CDCA3: variants seen among roughly 807,000 people sequenced by gnomAD.
CDCA3 encodes cell division cycle-associated protein 3.
In CDCA3, 16 loss-of-function variants were observed where a neutral mutation model predicts 29.1. That is an observed-to-expected ratio of 0.55 (90% CI 0.37 to 0.83). The LOEUF is 0.83. CDCA3 is among the 40% of genes least tolerant of loss of function. The pLI is 0.00. For missense variants in CDCA3, 291 were observed against 327.2 expected (o/e 0.89, Z 0.85); for synonymous variants, 88 against 124.5 (o/e 0.71, Z 1.95).
downstream of CDCA3, chr12:6,845,981 C>T (rs994381043): frequency 2.2e-5 from 13 of 600,490 alleles, no homozygotes; most frequent in Middle Eastern, 4.4e-4. Context: ...ACTGTTTTCC[C>T]TCAGTGTTGC....
chr12:6,850,991 C>G lies in CDCA3; in HGVS notation c.-39G>C. On this transcript the variant is annotated 5_prime_UTR_variant, in exon 2 of 6. Transcript: ENST00000538862. This position sits in a 1 kb window ranked among gnomAD's most constrained non-coding sequence, Gnocchi z 4.7. ...TGCAGGGTGGGGGCAAGGGCCAGCC[C>G]GGGACGAGGAGGGAATGCCTGTGAG... 6.3e-7 allele frequency: 1 copy of G among 1,589,794 alleles called. No homozygotes were observed. The highest frequency in any genetic ancestry group is 8.5e-7 in the Non-Finnish European group (1 of 1,173,038).
Position 6,850,411 on chromosome 12 carries a change from C to G in CDCA3, c.250+56G>C, listed in dbSNP as rs1223104113. 26 of 1,608,982 alleles carry G rather than the reference C, an allele frequency of 1.6e-5. No homozygotes were observed. The South Asian group carries it at 2.9e-4, about 18-fold the overall frequency. On this transcript the variant is annotated intron_variant, in intron 3 of 5. Coordinates refer to ENST00000538862, the MANE Select transcript of CDCA3 (RefSeq NM_031299.7). The surrounding 1 kb of genome is among the most constrained non-coding windows in gnomAD (Gnocchi z 4.7). ...CCCTGAGAGAATGGCTTCATGGACC[C>G]TACCCAAGAATAATAGATGACAGCT...
At position 6,849,900 on chromosome 12, in the gene CDCA3, C is replaced by G. The variant is rs373865700; in HGVS notation, c.251-42G>C. ...AAGTGAACAGTGACCTTCTGATACACAACATTCAGCAAGGAGCAAAACATA... is the reference window on the plus strand; with the variant it reads ...AAGTGAACAGTGACCTTCTGATACAGAACATTCAGCAAGGAGCAAAACATA... On this transcript the variant is annotated intron_variant, in intron 3 of 5. Transcript: ENST00000538862. The surrounding 1 kb of genome is among the most constrained non-coding windows in gnomAD (Gnocchi z 5.2). 6.8e-7 allele frequency: 1 copy of G among 1,464,308 alleles called. No individual in the cohort carries two copies. The highest frequency in any genetic ancestry group is 2.3e-5 in the East Asian group (1 of 42,726). The allele number at this position is 1,464,308 out of a possible 1,614,324, so 90.7% of individuals were successfully genotyped here.
At chr12:6,848,596 G>A (rs781848850), downstream of CDCA3, 18 of 156,434 alleles carry the variant, frequency 1.2e-4, no homozygotes, top group Non-Finnish European at 2.5e-4. Context: ...GCTGGATAAA[G>A]GTCAGGGTTA....
Position 6,849,822 on chromosome 12 carries a change from A to G in CDCA3, c.287T>C (p.Val96Ala). The G allele has an allele frequency of 1.3e-6, 2 of 1,564,576 alleles. No homozygotes were observed. The highest frequency in any genetic ancestry group is 1.7e-4 in the Middle Eastern group (1 of 5,806). The change falls in exon 4 of 6, where the codon GTA becomes GCA. Residue 96 changes from valine to alanine, a missense_variant. By Grantham distance (64) the Val-to-Ala change is moderately conservative. Coordinates refer to ENST00000538862, the MANE Select transcript of CDCA3 (RefSeq NM_031299.7). The surrounding 1 kb of genome is among the most constrained non-coding windows in gnomAD (Gnocchi z 5.2). ...PSPLVKQLSE[V>A]FETEDSKSNL... ...TGATTTAGAGTCTTCAGTTTCAAATACTTCACTCAGCTGTTTCACCAGTGG... is the reference window on the plus strand; with the variant it reads ...TGATTTAGAGTCTTCAGTTTCAAATGCTTCACTCAGCTGTTTCACCAGTGG...
Position 6,850,548 on chromosome 12 carries a change from C to T in CDCA3, c.169G>A (p.Gly57Ser). 1 of 1,614,042 alleles carries T rather than the reference C, an allele frequency of 6.2e-7. No individual in the cohort carries two copies. Among genetic ancestry groups the T allele is most frequent in the African/African-American group, 1.3e-5 (1 of 74,976 alleles). ...TCTGAGTCCTGGGCATGTTTAAGAC[C>T]CTCCAGTTGCTCCCCTGCTGGTAGG... Reference protein sequence around the residue: ...PGLPAGEQLEGLKHAQDSDPR... With the variant: ...PGLPAGEQLESLKHAQDSDPR... The change falls in exon 3 of 6, where the codon GGT becomes AGT. Residue 57 changes from glycine to serine, a missense_variant. Gly to Ser is a moderately conservative substitution (Grantham distance 56, BLOSUM62 0). Transcript: ENST00000538862. This position sits in a 1 kb window ranked among gnomAD's most constrained non-coding sequence, Gnocchi z 4.7.
chr12:6,845,883 A>G (rs1345644987), downstream of CDCA3: 1 of 960,462 alleles, frequency 1.0e-6, no homozygotes, highest in African/African-American at 1.8e-5. Context: ...ACCCCCCATC[A>G]GCTCCCATTT....
rs1943827105 is a variant in CDCA3, at chr12:6,850,452, G to A, written c.250+15C>T. On this transcript the variant is annotated intron_variant, in intron 3 of 5. Transcript: ENST00000538862. This position sits in a 1 kb window ranked among gnomAD's most constrained non-coding sequence, Gnocchi z 4.7. ...GATGACAGCTTCATCAGCATTCCCT[G>A]GGCCCAACGCTTACCTCCACTGCTG... 5 of 1,613,932 alleles carry A rather than the reference G, an allele frequency of 3.1e-6. No homozygotes were observed. Among genetic ancestry groups the A allele is most frequent in the Non-Finnish European group, 4.2e-6 (5 of 1,179,936 alleles).
At chr12:6,847,092 C>T, downstream of CDCA3, 1 of 567,166 alleles carries the variant, frequency 1.8e-6, no homozygotes, top group Non-Finnish European at 3.2e-6. Flanking sequence ...AGAACTGCCC[C>T]ATCTCCTCCC....
Position 6,849,537 on chromosome 12 carries a change from T to G in CDCA3, c.544+28A>C. The G allele has an allele frequency of 6.3e-7, 1 of 1,589,856 alleles. No individual in the cohort carries two copies. Among genetic ancestry groups the G allele is most frequent in the South Asian group, 1.1e-5 (1 of 88,388 alleles). The stretch of plus-strand genomic sequence containing the variant: ...CCCAAAACATTATCCTAGTTTATCT[T>G]CCCTGCATCTTGCCTTAGATTCTGT... On this transcript the variant is annotated intron_variant, in intron 4 of 5. Coordinates refer to ENST00000538862, the MANE Select transcript of CDCA3 (RefSeq NM_031299.7). The surrounding 1 kb of genome is among the most constrained non-coding windows in gnomAD (Gnocchi z 5.2).
chr12:6,846,491 C>T (rs1018895378), downstream of CDCA3: 1 of 289,356 alleles, frequency 3.5e-6, no homozygotes, highest in East Asian at 5.9e-5. Flanking sequence ...CAGCCCTCCC[C>T]CAACCAAAGC....
downstream of CDCA3, chr12:6,847,346 C>CT (rs1555125011): frequency 1.1e-5 from 2 of 174,910 alleles, no homozygotes; most frequent in Non-Finnish European, 1.2e-5. Context: ...CTTTTTCTAC[C>CT]TTTTTTTCTC....
chr12:6,846,194 G>A, downstream of CDCA3: 1 of 229,492 alleles, frequency 4.4e-6, no homozygotes, highest in South Asian at 7.4e-5. Context: ...GCAGCCTAGG[G>A]CTCATCTAAG....
At chr12:6,845,526 G>A (rs782683995), downstream of CDCA3, 70 of 1,166,314 alleles carry the variant, frequency 6.0e-5, no homozygotes, top group African/African-American at 8.4e-4. Flanking sequence ...GGCAGAGGGC[G>A]GGAGAGGCTG....
Position 6,849,277 on chromosome 12 carries a change from CTACGTTGGATATCCTAG to C in CDCA3, c.651+29_651+45del. The C allele has an allele frequency of 6.3e-7, 1 of 1,598,714 alleles. No individual in the cohort carries two copies. The highest frequency in any genetic ancestry group is 8.5e-7 in the Non-Finnish European group (1 of 1,170,322). On this transcript the variant is annotated intron_variant, in intron 5 of 5. Coordinates refer to ENST00000538862, the MANE Select transcript of CDCA3 (RefSeq NM_031299.7). This position sits in a 1 kb window ranked among gnomAD's most constrained non-coding sequence, Gnocchi z 5.2. ...TCTGGGTAAAAGGGTCTCCCACCCT[CTACGTTGGATATCCTAG>C]TAACAGCTTGCACTTTCTCTTCCTT...
In CDCA3 at chr12:6,849,500, C is replaced by T; in HGVS notation, c.544+65G>A. 1 of 1,564,720 alleles carries T rather than the reference C, an allele frequency of 6.4e-7. No individual in the cohort carries two copies. The highest frequency in any genetic ancestry group is 8.7e-7 in the Non-Finnish European group (1 of 1,153,164). ...ACAGTTTATTCCTCCCACACTCACC[C>T]ATGGACCTTATCCCAAAACATTATC... On this transcript the variant is annotated intron_variant, in intron 4 of 5. Coordinates refer to ENST00000538862, the MANE Select transcript of CDCA3 (RefSeq NM_031299.7). This position sits in a 1 kb window ranked among gnomAD's most constrained non-coding sequence, Gnocchi z 5.2.
chr12:6,846,959 C>T, downstream of CDCA3: 2 of 915,872 alleles, frequency 2.2e-6, no homozygotes, highest in South Asian at 1.4e-5. Context: ...CTGCCCGACC[C>T]CATCTCATTC....
chr12:6,850,520 G>T lies in CDCA3; in HGVS notation c.197C>A (p.Pro66His). The stretch of plus-strand genomic sequence containing the variant: ...TGCAATACCAAGAGTAGGAGAGCGG[G>T]GATCTGAGTCCTGGGCATGTTTAAG... ...EGLKHAQDSD[P>H]RSPTLGIART... is the part of the protein sequence containing the mutation. The change falls in exon 3 of 6, where the codon CCC becomes CAC. Residue 66 changes from proline to histidine, a missense_variant. By Grantham distance (77) the Pro-to-His change is moderately conservative (BLOSUM62 -2). Transcript: ENST00000538862. This position sits in a 1 kb window ranked among gnomAD's most constrained non-coding sequence, Gnocchi z 4.7. 1 of 1,614,066 alleles carries T rather than the reference G, an allele frequency of 6.2e-7. No individual in the cohort carries two copies. Among genetic ancestry groups the T allele is most frequent in the East Asian group, 2.2e-5 (1 of 44,880 alleles).
chr12:6,848,514 T>C (rs1943749339), downstream of CDCA3: 1 of 152,510 alleles, frequency 6.6e-6, no homozygotes, highest in South Asian at 2.1e-4. Flanking sequence ...GAAGAGGGAA[T>C]GAGGAATAGC....
Sources: allele counts gnomAD v4.1 joint callset, GRCh38; gene constraint gnomAD v4.1.1; non-coding constraint Gnocchi (gnomAD v3.1); transcripts MANE v1.5; gene names NCBI Gene and HGNC (gene_info 2026-07-23, HGNC 2026-07-21).